RBFOX1: variants seen among roughly 807,000 people sequenced by gnomAD.
RBFOX1 encodes RNA binding protein fox-1 homolog 1.
Under a neutral mutation model 57.7 loss-of-function variants are expected in RBFOX1, and 8 were observed. That is an observed-to-expected ratio of 0.14 (90% confidence interval 0.08 to 0.25). The LOEUF is 0.25. RBFOX1 is among the 10% of genes least tolerant of loss of function. The probability of loss-of-function intolerance (pLI) is 1.00; values close to 1 mark genes in which losing one functional copy is unlikely to be tolerated. For missense variants in RBFOX1, 611 were observed against 548.5 expected, an observed-to-expected ratio of 1.11 and a Z score of -1.14; for synonymous variants, 326 against 222.4, an observed-to-expected ratio of 1.47 and a Z score of -4.15.
intron 3 of RBFOX1, among the ~76,000 whole-genome samples, chr16:5,658,744 G>GTA (rs56147435): frequency 2.6e-4 from 38 of 146,146 alleles, no homozygotes; most frequent in African/African-American, 5.8e-4. Context: ...ATATAAATGT[G>GTA]TATATATATA....
intron 3 of RBFOX1, among the ~76,000 whole-genome samples, chr16:6,851,409 G>T (rs111786718): frequency 3.3e-5 from 5 of 152,098 alleles, no homozygotes; most frequent in African/African-American, 9.6e-5. Context: ...GAGGTCATGG[G>T]CTCTCTGTAT....
At chr16:7,015,594 A>C (rs372109109) in intron 3 of RBFOX1, among the ~76,000 whole-genome samples, 10 of 152,166 alleles carry the variant, frequency 6.6e-5, no homozygotes, top group African/African-American at 2.4e-4. Flanking sequence ...ATTTTGGCTT[A>C]TTTAAGAGCC....
At chr16:5,749,969 G>T (rs2053131995) in intron 3 of RBFOX1, among the ~76,000 whole-genome samples, 1 of 152,130 alleles carries the variant, frequency 6.6e-6, no homozygotes, top group Non-Finnish European at 1.5e-5. Context: ...CAGCTTTTCT[G>T]CTCTGTTTTT....
intron 1 of RBFOX1, among the ~76,000 whole-genome samples, chr16:5,456,571 A>T (rs1004097323): frequency 1.3e-5 from 2 of 152,188 alleles, no homozygotes; most frequent in African/African-American, 4.8e-5. Flanking sequence ...AAAGACCTAC[A>T]CATCATCCTT....
intron 4 of RBFOX1, among the ~76,000 whole-genome samples, chr16:7,130,731 C>A (rs376087293): frequency 6.6e-6 from 1 of 152,196 alleles, no homozygotes; most frequent in Non-Finnish European, 1.5e-5. Flanking sequence ...GAAGCCCATT[C>A]CTGGCCAAAT....
At chr16:6,842,992 G>C (rs944117664) in intron 3 of RBFOX1, among the ~76,000 whole-genome samples, 1 of 152,092 alleles carries the variant, frequency 6.6e-6, no homozygotes, top group Admixed American at 6.5e-5. Flanking sequence ...CCTTGCAAAG[G>C]ATATGATCTC....
intron 1 of RBFOX1, among the ~76,000 whole-genome samples, chr16:5,250,302 A>G (rs893693020): frequency 1.5e-5 from 2 of 132,086 alleles, no homozygotes; most frequent in Non-Finnish European, 3.3e-5. Context: ...CATGTGCAGA[A>G]TGTGCAGGTT....
At chr16:5,470,952 A>G (rs555461777) in intron 2 of RBFOX1, among the ~76,000 whole-genome samples, 33 of 152,110 alleles carry the variant, frequency 2.2e-4, no homozygotes, top group Non-Finnish European at 4.1e-4. Context: ...CCTGGGTTCA[A>G]GCGATTCTAC....
chr16:7,074,228 T>G (rs1567162546), intron 4 of RBFOX1, among the ~76,000 whole-genome samples: 2 of 152,166 alleles, frequency 1.3e-5, no homozygotes, highest in South Asian at 4.1e-4. Context: ...AATAACTGTT[T>G]GAAATATTGT....
At chr16:6,260,791 G>A (rs1210270969) in intron 1 of RBFOX1, among the ~76,000 whole-genome samples, 1 of 152,100 alleles carries the variant, frequency 6.6e-6, no homozygotes, top group Non-Finnish European at 1.5e-5. Context: ...TGAGGCAAGA[G>A]AATCGCTTGA....
chr16:6,463,032 T>G (rs755314833), intron 2 of RBFOX1, among the ~76,000 whole-genome samples: 13 of 152,220 alleles, frequency 8.5e-5, no homozygotes, highest in Non-Finnish European at 1.8e-4. Context: ...ATCTACAAGA[T>G]CCTAGTCCAC....
intron 3 of RBFOX1, among the ~76,000 whole-genome samples, chr16:5,743,414 G>C (rs11076958): frequency 6.6e-6 from 1 of 151,938 alleles, no homozygotes; most frequent in Non-Finnish European, 1.5e-5. Context: ...AGCATGTCCC[G>C]TGGAAGGAGG....
chr16:7,712,335 C>G lies in RBFOX1; in HGVS notation c.*1590C>G, dbSNP rs1027823452. 5.9e-5 allele frequency: 9 copies of G among 152,608 alleles called. No individual in the cohort carries two copies. The highest frequency in any genetic ancestry group is 1.7e-4 in the African/African-American group (7 of 41,444). The allele number at this position is 152,608 out of a possible 1,614,324, so 9.5% of individuals were successfully genotyped here. A position where few individuals can be genotyped will look rare whatever the true frequency, so the allele number is the denominator to read the frequency against. On this transcript the variant is annotated 3_prime_UTR_variant, in exon 16 of 16. Coordinates refer to ENST00000550418, the MANE Select transcript of RBFOX1 (RefSeq NM_018723.4). ...CGCACTTCAGTAAGTTATCAACTCT[C>G]ACCGCTGTGAACCTGCCAATCCGCT...
chr16:6,611,058 C>T (rs1011880941), intron 2 of RBFOX1, among the ~76,000 whole-genome samples: 2 of 152,078 alleles, frequency 1.3e-5, no homozygotes, highest in African/African-American at 4.8e-5. Context: ...AAGATTTTAC[C>T]ATTAAGGCCT....
intron 4 of RBFOX1, among the ~76,000 whole-genome samples, chr16:7,270,711 C>T (rs8046776): frequency 0.37 from 56,941 of 152,052 alleles, 12,265 homozygotes; most frequent in African/African-American, 0.59. Flanking sequence ...ACATTCACTA[C>T]TGTTTCTTTC....
chr16:7,056,451 G>C (rs917696713), intron 4 of RBFOX1, among the ~76,000 whole-genome samples: 12 of 152,136 alleles, frequency 7.9e-5, no homozygotes, highest in African/African-American at 2.9e-4. Flanking sequence ...CCTATAGGCT[G>C]TATTTACCAG....
At chr16:6,658,941 T>TTTG (rs1478797576) in intron 3 of RBFOX1, among the ~76,000 whole-genome samples, 293 of 136,416 alleles carry the variant, frequency 2.1e-3, no homozygotes, top group South Asian at 0.017. Flanking sequence ...TTTTTGTTTT[T>TTTG]TTTGTTTTTT....
At chr16:6,050,742 G>A (rs143451367) in intron 1 of RBFOX1, among the ~76,000 whole-genome samples, 1 of 151,806 alleles carries the variant, frequency 6.6e-6, no homozygotes, top group Non-Finnish European at 1.5e-5. Flanking sequence ...ATAGTCAGGG[G>A]GTATAGTTTA....
intron 2 of RBFOX1, among the ~76,000 whole-genome samples, chr16:6,566,272 C>A (rs139184233): frequency 6.6e-6 from 1 of 152,198 alleles, no homozygotes; most frequent in African/African-American, 2.4e-5. Flanking sequence ...AGGCCAGTCT[C>A]ACAGCATCAT....
Sources: gnomAD v4.1 joint callset for allele counts (sites outside exome capture counted in the v4.1 genomes callset) on GRCh38, gnomAD v4.1.1 for gene constraint, MANE v1.5 for transcripts, NCBI Gene and HGNC (gene_info 2026-07-23, HGNC 2026-07-21) for gene names.